The following COL24A1 variants were observed in gnomAD, a reference collection of about 807,000 sequenced individuals.
COL24A1 encodes the protein collagen type XXIV alpha 1 chain, also known as collagen alpha-1(XXIV) chain.
A neutral mutation model predicts 253.9 loss-of-function variants in COL24A1; 224 were observed. The observed-to-expected ratio is 0.88, with a 90% CI of 0.79 to 0.99. The LOEUF is 0.99. Among genes scored for constraint, COL24A1 ranks in the 50% least tolerant of loss-of-function variants. The pLI is 0.00. For missense variants in COL24A1, 2,131 were observed against 2,068.5 expected (o/e 1.03, Z -0.59); for synonymous variants, 685 against 673.7 (o/e 1.02, Z -0.26).
At chr1:85,802,368 T>C (rs1174400963) in intron 47 of COL24A1, among the ~76,000 whole-genome samples, 2 of 152,148 alleles carry the variant, frequency 1.3e-5, no homozygotes, top group Non-Finnish European at 2.9e-5. Context: ...GGTCTTTTTT[T>C]GATTCTTTAA....
At chr1:86,145,708 G>A (rs1398371130) in intron 2 of COL24A1, among the ~76,000 whole-genome samples, 1 of 151,948 alleles carries the variant, frequency 6.6e-6, no homozygotes, top group African/African-American at 2.4e-5. Flanking sequence ...CCACTAGTAT[G>A]CAAATTCCAT....
intron 3 of COL24A1, among the ~76,000 whole-genome samples, chr1:86,120,906 T>C (rs1647239096): frequency 6.6e-6 from 1 of 152,190 alleles, no homozygotes; most frequent in Non-Finnish European, 1.5e-5. Context: ...TGTCCAGCAA[T>C]GATAGACTGC....
intron 5 of COL24A1, among the ~76,000 whole-genome samples, chr1:86,096,596 C>T (rs975114058): frequency 6.6e-6 from 1 of 152,108 alleles, no homozygotes; most frequent in Admixed American, 6.5e-5. Flanking sequence ...CTTTCCTCCT[C>T]AGCCTAAATA....
intron 28 of COL24A1, among the ~76,000 whole-genome samples, chr1:85,901,574 C>T (rs986972572): frequency 1.3e-5 from 2 of 151,808 alleles, no homozygotes; most frequent in Non-Finnish European, 2.9e-5. Flanking sequence ...CTTTGGGAGG[C>T]CAAGGCGGGT....
intron 2 of COL24A1, among the ~76,000 whole-genome samples, chr1:86,133,982 C>CT (rs138338093): frequency 0.95 from 144,425 of 151,476 alleles, 69,120 homozygotes; most frequent in Non-Finnish European, 1. Context: ...TGGTCCTGGA[C>CT]TTTTTTTTGG....
At chr1:85,870,475 A>T (rs1680336906) in intron 35 of COL24A1, among the ~76,000 whole-genome samples, 1 of 152,250 alleles carries the variant, frequency 6.6e-6, no homozygotes, top group Non-Finnish European at 1.5e-5. Context: ...AGTGTAAAAG[A>T]ACAGAAATTA....
chr1:85,773,175 G>A (rs1038817256), intron 53 of COL24A1, among the ~76,000 whole-genome samples: 4 of 152,162 alleles, frequency 2.6e-5, no homozygotes, highest in African/African-American at 9.7e-5. Flanking sequence ...ACATCAGATG[G>A]TGGTAGATGT....
At chr1:85,917,883 T>C (rs1246123484) in intron 24 of COL24A1, among the ~76,000 whole-genome samples, 1 of 151,894 alleles carries the variant, frequency 6.6e-6, no homozygotes, top group Non-Finnish European at 1.5e-5. Flanking sequence ...TTTTTTGTAG[T>C]TTTTAGTAGA....
intron 19 of COL24A1, among the ~76,000 whole-genome samples, chr1:85,996,239 C>T (rs1278223125): frequency 1.3e-5 from 2 of 151,968 alleles, no homozygotes; most frequent in African/African-American, 4.8e-5. Context: ...TGAACTTGTC[C>T]CCAGATAAAA....
At chr1:85,963,326 T>C (rs1691244766) in intron 23 of COL24A1, among the ~76,000 whole-genome samples, 1 of 152,184 alleles carries the variant, frequency 6.6e-6, no homozygotes, top group East Asian at 1.9e-4. Flanking sequence ...GGAAAATTTA[T>C]GGAAGAATAA....
At chr1:85,784,025 A>G (rs1421234436) in intron 50 of COL24A1, 88 bp downstream of exon 50, 2 of 1,050,202 alleles carry the variant, frequency 1.9e-6, no homozygotes, top group African/African-American at 1.6e-5. Context: ...TTACAGATTT[A>G]AAAAAGCTCA....
chr1:86,031,794 C>T, intron 14 of COL24A1, 84 bp downstream of exon 14: 1 of 1,071,158 alleles, frequency 9.3e-7, no homozygotes, highest in Non-Finnish European at 1.3e-6. Flanking sequence ...CTCTCATTTC[C>T]CTAAGTTTCA....
At chr1:85,798,215 A>AAG (rs1570659258) in intron 47 of COL24A1, among the ~76,000 whole-genome samples, 2 of 150,992 alleles carry the variant, frequency 1.3e-5, no homozygotes, top group Middle Eastern at 3.4e-3. Context: ...AAAAAAAAAA[A>AAG]GTATGAACTT....
intron 12 of COL24A1, among the ~76,000 whole-genome samples, chr1:86,043,900 A>C (rs1054738605): frequency 6.6e-6 from 1 of 152,206 alleles, no homozygotes; most frequent in Non-Finnish European, 1.5e-5. Context: ...AAAGTTTCTC[A>C]GATACTGGCA....
intron 12 of COL24A1, 140 bp from the exon 13 acceptor site, chr1:86,034,063 C>T (rs1437836727): frequency 4.4e-5 from 24 of 548,702 alleles, no homozygotes; most frequent in Non-Finnish European, 6.5e-5. Context: ...TTTTGCATAA[C>T]ACGCTTAATT....
At chr1:85,787,037 A>C (rs1669754531) in intron 47 of COL24A1, among the ~76,000 whole-genome samples, 1 of 152,186 alleles carries the variant, frequency 6.6e-6, no homozygotes, top group Non-Finnish European at 1.5e-5. Flanking sequence ...TTACATTTTT[A>C]AACATTGAAA....
intron 2 of COL24A1, among the ~76,000 whole-genome samples, chr1:86,136,589 C>A (rs1241425131): frequency 6.6e-6 from 1 of 151,978 alleles, no homozygotes; most frequent in Non-Finnish European, 1.5e-5. Flanking sequence ...CTCTGAAGCA[C>A]AGAGAGATTA....
intron 8 of COL24A1, among the ~76,000 whole-genome samples, chr1:86,061,982 T>C (rs1294796115): frequency 6.6e-6 from 1 of 152,116 alleles, no homozygotes; most frequent in Non-Finnish European, 1.5e-5. Flanking sequence ...ATAGTTTCTC[T>C]GTTTTTTCAT....
At position 85,900,481 on chromosome 1, in the gene COL24A1, A is replaced by G. The variant is rs1684173349; in HGVS notation, c.2779-4072T>C. Among the ~76,000 whole-genome samples, 3 of 152,116 alleles carry G rather than the reference A, an allele frequency of 2.0e-5. No individual in the cohort carries two copies. In the South Asian group the frequency reaches 6.2e-4, roughly 32 times the overall value. ...TGGCAAGACCCTGTCTCTACAAAAAATTTAAAAATTAGCCAGGCATGGTGG... is the reference window on the plus strand; with the variant it reads ...TGGCAAGACCCTGTCTCTACAAAAAGTTTAAAAATTAGCCAGGCATGGTGG... On this transcript the variant is annotated intron_variant, in intron 28 of 59. Coordinates refer to ENST00000370571, the MANE Select transcript of COL24A1 (RefSeq NM_152890.7).
Sources: gnomAD v4.1 joint callset for allele counts (sites outside exome capture counted in the v4.1 genomes callset) on GRCh38, gnomAD v4.1.1 for gene constraint, MANE v1.5 for transcripts, NCBI Gene and HGNC (gene_info 2026-07-23, HGNC 2026-07-21) for gene names.